CSNK1G2: variants seen among roughly 807,000 people sequenced by gnomAD.
CSNK1G2 encodes casein kinase 1 gamma 2.
A neutral mutation model predicts 48.0 loss-of-function variants in CSNK1G2; 11 were observed. The ratio of observed to expected loss-of-function variants is 0.23; its 90% confidence interval spans 0.14 to 0.38. The LOEUF is 0.38. Ranked by LOEUF, CSNK1G2 falls within the 10% of genes least tolerant of loss-of-function variation. The pLI is 1.00. For missense variants in CSNK1G2, 446 were observed against 595.5 expected, an observed-to-expected ratio of 0.75 and a Z score of 2.61; for synonymous variants, 337 against 254.1, an observed-to-expected ratio of 1.33 and a Z score of -3.10.
chr19:1,972,608 A>AGCTTT (rs1287794637), intron 2 of CSNK1G2, among the ~76,000 whole-genome samples: 2 of 152,010 alleles, frequency 1.3e-5, no homozygotes, highest in African/African-American at 2.4e-5. Flanking sequence ...TTTCCATCTC[A>AGCTTT]GCTTTGCTTT....
chr19:1,947,576 G>A (rs1019470827), intron 1 of CSNK1G2, among the ~76,000 whole-genome samples: 9 of 152,232 alleles, frequency 5.9e-5, no homozygotes, highest in Non-Finnish European at 1.0e-4. Context: ...GTGAGGACAC[G>A]GACTGGCCCG....
At chr19:1,974,499 A>G (rs1332775384) in intron 2 of CSNK1G2, among the ~76,000 whole-genome samples, 2 of 152,156 alleles carry the variant, frequency 1.3e-5, no homozygotes, top group Non-Finnish European at 2.9e-5. Flanking sequence ...GGGGTGCATC[A>G]AAGACACAGC....
Position 1,980,034 on chromosome 19 carries a change from G to A in CSNK1G2, c.1193+17G>A. The A allele has an allele frequency of 6.3e-7, 1 of 1,580,972 alleles. No individual in the cohort carries two copies. The highest frequency in any genetic ancestry group is 8.6e-7 in the Non-Finnish European group (1 of 1,163,718). On this transcript the variant is annotated intron_variant, in intron 11 of 11. Coordinates refer to ENST00000255641, the MANE Select transcript of CSNK1G2 (RefSeq NM_001319.7). ...TGAAACCAAGTAAGGCTCTGGGGCG[G>A]TGCCTTCGGGGAGGTGGGGGTGCCC...
chr19:1,974,291 C>T (rs1282485956), intron 2 of CSNK1G2, among the ~76,000 whole-genome samples: 1 of 152,136 alleles, frequency 6.6e-6, no homozygotes, highest in Non-Finnish European at 1.5e-5. Flanking sequence ...CTTGCCATGT[C>T]ATGGCAAGAA....
intron 1 of CSNK1G2, among the ~76,000 whole-genome samples, chr19:1,948,521 CAAAAA>C (rs72007357): frequency 1.1e-5 from 1 of 87,086 alleles, no homozygotes; most frequent in Non-Finnish European, 2.1e-5. Flanking sequence ...GACTCCGTCT[CAAAAA>C]AAAAAAAAAA....
intron 1 of CSNK1G2, chr19:1,953,706 A>G (rs2014870142): frequency 2.1e-5 from 8 of 385,450 alleles, no homozygotes; most frequent in Non-Finnish European, 4.2e-5. Flanking sequence ...GTCCCTGCAC[A>G]GCCTCGCCGT....
chr19:1,966,722 A>G (rs1209694543), intron 1 of CSNK1G2, among the ~76,000 whole-genome samples: 1 of 152,102 alleles, frequency 6.6e-6, no homozygotes, highest in Non-Finnish European at 1.5e-5. Context: ...TTTTGTGGTC[A>G]TAGTTTAAGA....
intron 1 of CSNK1G2, among the ~76,000 whole-genome samples, chr19:1,943,621 G>T (rs1465070573): frequency 1.3e-5 from 2 of 152,006 alleles, no homozygotes; most frequent in East Asian, 1.9e-4. Flanking sequence ...CGGTTGGGAG[G>T]GGGGGCACTG....
At chr19:1,965,436 T>C (rs1010106357) in intron 1 of CSNK1G2, among the ~76,000 whole-genome samples, 2 of 151,880 alleles carry the variant, frequency 1.3e-5, no homozygotes, top group Admixed American at 1.3e-4. Flanking sequence ...ACATCCAGCC[T>C]GTAGCCTGTG....
intron 1 of CSNK1G2, among the ~76,000 whole-genome samples, chr19:1,943,436 G>T (rs2014440249): frequency 6.6e-6 from 1 of 152,178 alleles, no homozygotes; most frequent in Non-Finnish European, 1.5e-5. Flanking sequence ...GCCGATTTGG[G>T]TTTCTTCTTT....
At chr19:1,944,665 G>C (rs1053817419) in intron 1 of CSNK1G2, among the ~76,000 whole-genome samples, 10 of 149,296 alleles carry the variant, frequency 6.7e-5, no homozygotes, top group Admixed American at 2.7e-4. Context: ...TGCTGGGTGG[G>C]TCTGTCCGGG....
chr19:1,945,890 G>A (rs1220413062), intron 1 of CSNK1G2, among the ~76,000 whole-genome samples: 2 of 152,120 alleles, frequency 1.3e-5, no homozygotes, highest in African/African-American at 4.8e-5. Flanking sequence ...GCACGCTGGG[G>A]TAGAGCAGTG....
chr19:1,967,816 C>T (rs1250108511), intron 1 of CSNK1G2, among the ~76,000 whole-genome samples: 1 of 49,686 alleles, frequency 2.0e-5, no homozygotes, highest in Non-Finnish European at 3.7e-5. Context: ...CCCCAGGCTG[C>T]CCCCGACCAC....
chr19:1,969,545 G>A lies in CSNK1G2; in HGVS notation c.-228G>A. ...AGCTTTGAGGCGGTGGGATGTGTCAGCAGAATGTCTCCTGCCCCCGAGAGC... is the reference window on the plus strand; with the variant it reads ...AGCTTTGAGGCGGTGGGATGTGTCAACAGAATGTCTCCTGCCCCCGAGAGC... On this transcript the variant is annotated 5_prime_UTR_variant, in exon 2 of 12. Transcript: ENST00000255641. The A allele has an allele frequency of 2.7e-6, 1 of 365,340 alleles. No homozygotes were observed. The allele number at this position is 365,340 out of a possible 1,614,324, so 22.6% of individuals were successfully genotyped here. A position where few individuals can be genotyped will look rare whatever the true frequency, so the allele number is the denominator to read the frequency against.
chr19:1,978,233 C>A lies in CSNK1G2; in HGVS notation c.188-72C>A. 10 of 1,463,188 alleles carry A rather than the reference C, an allele frequency of 6.8e-6. No individual in the cohort carries two copies. Among genetic ancestry groups the A allele is most frequent in the South Asian group, 1.1e-5 (1 of 87,598 alleles). 90.6% of individuals were successfully genotyped at this position (1,463,188 alleles called of 1,614,324 possible). On this transcript the variant is annotated intron_variant, in intron 2 of 11. Transcript: ENST00000255641. This position sits in a 1 kb window ranked among gnomAD's most constrained non-coding sequence, Gnocchi z 7.3. The stretch of plus-strand genomic sequence containing the variant: ...AGGGACCCCCTCCTGCCTCCTGCCT[C>A]GGGGGTGGGCTGGGGAGGTCGGGGC...
intron 1 of CSNK1G2, among the ~76,000 whole-genome samples, chr19:1,945,557 C>A (rs2014525091): frequency 6.6e-6 from 1 of 152,118 alleles, no homozygotes; most frequent in Non-Finnish European, 1.5e-5. Flanking sequence ...CGCGGGGGCT[C>A]CCACCTGTCA....
At chr19:1,952,717 G>A (rs138242650) in intron 1 of CSNK1G2, 146 of 265,100 alleles carry the variant, frequency 5.5e-4, no homozygotes, top group African/African-American at 2.9e-3. Flanking sequence ...GGCGTCGCCC[G>A]GTGCACAGGG....
chr19:1,955,298 C>CCTG (rs142010723), intron 1 of CSNK1G2, among the ~76,000 whole-genome samples: 23,519 of 151,614 alleles, frequency 0.16, 1,913 homozygotes, highest in South Asian at 0.19. Flanking sequence ...TGACTGCCCT[C>CCTG]CTGCTGCTGC....
intron 1 of CSNK1G2, among the ~76,000 whole-genome samples, chr19:1,968,472 C>A (rs1215514136): frequency 6.6e-6 from 1 of 152,208 alleles, no homozygotes; most frequent in Non-Finnish European, 1.5e-5. Flanking sequence ...CTGGCTGGCC[C>A]CCTCGCTCCA....
Sources: allele counts gnomAD v4.1 joint callset (sites outside exome capture counted in the v4.1 genomes callset), GRCh38; gene constraint gnomAD v4.1.1; non-coding constraint Gnocchi (gnomAD v3.1); transcripts MANE v1.5; gene names NCBI Gene and HGNC (gene_info 2026-07-23, HGNC 2026-07-21).